PDE1A: variants seen among roughly 807,000 people sequenced by gnomAD.
PDE1A encodes dual specificity calcium/calmodulin-dependent 3',5'-cyclic nucleotide phosphodiesterase 1A.
Under a neutral mutation model 61.7 loss-of-function variants are expected in PDE1A, and 35 were observed. That is an observed-to-expected ratio of 0.57 (90% CI 0.43 to 0.75). The LOEUF is 0.75. Ranked by LOEUF, PDE1A falls within the 30% of genes least tolerant of loss-of-function variation. The probability of loss-of-function intolerance (pLI) is 0.00; values close to 1 mark genes in which losing one functional copy is unlikely to be tolerated. For missense variants in PDE1A, 597 were observed against 630.6 expected (o/e 0.95, Z 0.57); for synonymous variants, 232 against 213.2 (o/e 1.09, Z -0.77).
At chr2:182,639,192 C>A in the PDE1A span, among the ~76,000 whole-genome samples, 1 of 152,004 alleles carries the variant, frequency 6.6e-6, no homozygotes, top group Non-Finnish European at 1.5e-5. Flanking sequence ...GGCGAAAATA[C>A]AAGAAGGCAA....
At chr2:182,436,674 G>C (rs894051684) in intron 2 of PDE1A, among the ~76,000 whole-genome samples, 1 of 151,922 alleles carries the variant, frequency 6.6e-6, no homozygotes, top group Non-Finnish European at 1.5e-5. Context: ...ACTGTGTCAG[G>C]TACTATACTT....
the PDE1A span, among the ~76,000 whole-genome samples, chr2:182,581,475 G>T: frequency 6.6e-6 from 1 of 152,168 alleles, no homozygotes; most frequent in African/African-American, 2.4e-5. Context: ...CTGTGTGTGA[G>T]CCCTCCAGCA....
intron 10 of PDE1A, among the ~76,000 whole-genome samples, chr2:182,193,229 G>A (rs754709257): frequency 1.3e-5 from 2 of 151,960 alleles, no homozygotes; most frequent in Non-Finnish European, 2.9e-5. Flanking sequence ...CTTGTGATCC[G>A]TCTGCTCCAG....
the PDE1A span, among the ~76,000 whole-genome samples, chr2:182,671,778 C>A: frequency 7.2e-6 from 1 of 139,036 alleles, no homozygotes; most frequent in Non-Finnish European, 1.6e-5. Context: ...TGCCACCACG[C>A]CCGGCTAATT....
At chr2:182,499,839 A>G (rs1283883706) in intron 2 of PDE1A, among the ~76,000 whole-genome samples, 1 of 152,214 alleles carries the variant, frequency 6.6e-6, no homozygotes, top group Non-Finnish European at 1.5e-5. Context: ...GGTAAACAAG[A>G]AAGGATGAGA....
intron 13 of PDE1A, among the ~76,000 whole-genome samples, chr2:182,176,221 G>A (rs2125347513): frequency 6.7e-6 from 1 of 148,330 alleles, no homozygotes; most frequent in Non-Finnish European, 1.5e-5. Flanking sequence ...ATTCTGTGAA[G>A]AAAGTCATTG....
chr2:182,386,752 G>A (rs1444060093), intron 1 of PDE1A, among the ~76,000 whole-genome samples: 2 of 151,892 alleles, frequency 1.3e-5, no homozygotes, highest in Non-Finnish European at 2.9e-5. Context: ...CAGGAGGGAG[G>A]TGGAGGGCCA....
At chr2:182,715,166 T>G in the PDE1A span, among the ~76,000 whole-genome samples, 1 of 152,206 alleles carries the variant, frequency 6.6e-6, no homozygotes, top group African/African-American at 2.4e-5. Context: ...CTTAACATCA[T>G]AGTCTCTGAA....
intron 2 of PDE1A, among the ~76,000 whole-genome samples, chr2:182,474,498 T>C (rs946618675): frequency 6.6e-6 from 1 of 151,894 alleles, no homozygotes; most frequent in Non-Finnish European, 1.5e-5. Context: ...TAGCATGTGA[T>C]CTTGATCAAG....
chr2:182,343,872 T>A (rs909010529), intron 1 of PDE1A, among the ~76,000 whole-genome samples: 147 of 11,566 alleles, frequency 0.013, no homozygotes, highest in African/African-American at 0.032. Context: ...TTTTTCTTTT[T>A]CTTTTTTTTT....
At chr2:182,660,657 T>G in the PDE1A span, among the ~76,000 whole-genome samples, 1 of 152,206 alleles carries the variant, frequency 6.6e-6, no homozygotes, top group Non-Finnish European at 1.5e-5. Context: ...GCAAGCTGTC[T>G]ACAGAGAGGG....
intron 13 of PDE1A, 79 bp from the exon 14 acceptor site, chr2:182,147,231 A>G (rs969835480): frequency 4.1e-6 from 3 of 727,244 alleles, no homozygotes; most frequent in East Asian, 2.7e-5. Context: ...GAGACTGAAG[A>G]ACTTTATAAA....
chr2:182,168,981 T>G (rs2125315675), intron 13 of PDE1A, among the ~76,000 whole-genome samples: 1 of 152,198 alleles, frequency 6.6e-6, no homozygotes, highest in East Asian at 1.9e-4. Context: ...TTAAGTCTTG[T>G]GTGCATGTGT....
In PDE1A at chr2:182,246,401, C is replaced by CTTTTTTTTTTTTTTTTTTTTTTTTTTTTT. The variant is rs761118177; in HGVS notation, c.168-6110_168-6109insAAAAAAAAAAAAAAAAAAAAAAAAAAAAA. ...TCTACTATAGTCTTTTTTCTTTTTT[C>CTTTTTTTTTTTTTTTTTTTTTTTTTTTTT]TTTCTTTTTTTTTTTTTTTTTTGAC... is the stretch of plus-strand genomic sequence containing the variant. On this transcript the variant is annotated intron_variant, in intron 2 of 13. Transcript: ENST00000351439. Among the ~76,000 whole-genome samples, 3 of 61,514 alleles carry CTTTTTTTTTTTTTTTTTTTTTTTTTTTTT rather than the reference C, an allele frequency of 4.9e-5. 1 individual carries two copies. Among genetic ancestry groups the CTTTTTTTTTTTTTTTTTTTTTTTTTTTTT allele is most frequent in the Non-Finnish European group, 2.9e-5 (1 of 34,626 alleles). 40.4% of individuals were successfully genotyped at this position (61,514 alleles called of 152,430 possible).
the PDE1A span, among the ~76,000 whole-genome samples, chr2:182,628,805 A>G: frequency 6.6e-6 from 1 of 152,066 alleles, no homozygotes; most frequent in Non-Finnish European, 1.5e-5. Context: ...TAACAGACAC[A>G]CCCTACTCTT....
the PDE1A span, among the ~76,000 whole-genome samples, chr2:182,669,962 A>G: frequency 1.3e-5 from 2 of 152,228 alleles, no homozygotes; most frequent in African/African-American, 2.4e-5. Context: ...CATTTGGAGC[A>G]CATGAAGGTT....
At chr2:182,405,689 C>T (rs1022376976) in intron 1 of PDE1A, among the ~76,000 whole-genome samples, 3 of 152,080 alleles carry the variant, frequency 2.0e-5, no homozygotes, top group South Asian at 2.1e-4. Flanking sequence ...AAAAGGAATA[C>T]ATTTTTTAAG....
intron 1 of PDE1A, among the ~76,000 whole-genome samples, chr2:182,395,246 T>G (rs1225941259): frequency 6.6e-6 from 1 of 152,252 alleles, no homozygotes; most frequent in Non-Finnish European, 1.5e-5. Context: ...CTCAGGGGTA[T>G]GTCAACTCTC....
At chr2:182,460,094 C>T (rs1229952129) in intron 2 of PDE1A, among the ~76,000 whole-genome samples, 4 of 152,148 alleles carry the variant, frequency 2.6e-5, no homozygotes, top group Non-Finnish European at 5.9e-5. Flanking sequence ...ACATCTTGCT[C>T]ATTCATTCCA....
Sources: allele counts gnomAD v4.1 joint callset (sites outside exome capture counted in the v4.1 genomes callset), GRCh38; gene constraint gnomAD v4.1.1; transcripts MANE v1.5; gene names NCBI Gene and HGNC (gene_info 2026-07-23, HGNC 2026-07-21).